OR2F1: variants seen among roughly 807,000 people sequenced by gnomAD.
OR2F1 encodes olfactory receptor 2F1.
For missense variants in OR2F1, 389 were observed against 378.2 expected, an observed-to-expected ratio of 1.03 and a Z score of -0.24; for synonymous variants, 146 against 155.3, an observed-to-expected ratio of 0.94 and a Z score of 0.44.
rs768419224 is a variant in OR2F1 at position 143,960,840 on chromosome 7, C to G, written c.870C>G (p.Tyr290Ter). ...ILTPMLNPMI[Y>*]SLRNKEVKGA... ...CACCAATGCTGAACCCCATGATTTA[C>G]AGCCTAAGGAATAAAGAGGTGAAGG... Residue 290 changes from tyrosine to a stop codon, truncating the protein, a stop_gained, in exon 3 of 3, where the codon TAC becomes TAG. Transcript: ENST00000641412. LOFTEE classifies it high-confidence loss of function. The G allele has an allele frequency of 1.1e-5, 17 of 1,614,050 alleles. No homozygotes were observed. Among genetic ancestry groups the G allele is most frequent in the African/African-American group, 1.3e-5 (1 of 74,918 alleles).
intron 1 of OR2F1, among the ~76,000 whole-genome samples, chr7:143,958,291 T>C (rs1352531628): frequency 6.6e-6 from 1 of 152,206 alleles, no homozygotes; most frequent in Non-Finnish European, 1.5e-5. Context: ...TTTTAGAATT[T>C]GAATTTGAAT....
Position 143,964,354 on chromosome 7 carries a change from A to G in OR2F1, c.*3430A>G, listed in dbSNP as rs1284454380. 1 of 152,182 alleles carries G rather than the reference A, an allele frequency of 6.6e-6. No homozygotes were observed. 9.4% of individuals were successfully genotyped at this position (152,182 alleles called of 1,614,324 possible). On this transcript the variant is annotated 3_prime_UTR_variant, in exon 3 of 3. Transcript: ENST00000641412. ...ACACCACTGAAGGTTTTCCTTAAAAATCTAATACATATAAAAATTACAGTT... is the reference window on the plus strand; with the variant it reads ...ACACCACTGAAGGTTTTCCTTAAAAGTCTAATACATATAAAAATTACAGTT...
chr7:143,959,676 A>C (rs1408665225), intron 2 of OR2F1, among the ~76,000 whole-genome samples: 1 of 152,198 alleles, frequency 6.6e-6, no homozygotes, highest in African/African-American at 2.4e-5. Flanking sequence ...AATCTGAAGT[A>C]AGTTGGTGAA....
chr7:143,962,455 A>G lies in OR2F1; in HGVS notation c.*1531A>G, dbSNP rs919373760. ...ACAAGGATAATCTCACATAGTAGGGAGGACAGATGATGAAACAATGATAAT... is the reference window on the plus strand; with the variant it reads ...ACAAGGATAATCTCACATAGTAGGGGGGACAGATGATGAAACAATGATAAT... On this transcript the variant is annotated 3_prime_UTR_variant, in exon 3 of 3. Transcript: ENST00000641412. The G allele has an allele frequency of 6.6e-5, 10 of 152,248 alleles. No homozygotes were observed. Among genetic ancestry groups the G allele is most frequent in the African/African-American group, 2.4e-4 (10 of 41,468 alleles). The allele number at this position is 152,248 out of a possible 1,614,324, so 9.4% of individuals were successfully genotyped here.
intron 2 of OR2F1, among the ~76,000 whole-genome samples, chr7:143,959,591 C>T (rs548174983): frequency 2.0e-5 from 3 of 152,168 alleles, no homozygotes; most frequent in Non-Finnish European, 4.4e-5. Context: ...AATTTGTTAA[C>T]TTTCCAACCA....
rs2050326742 is a variant in OR2F1 at position 143,961,060 on chromosome 7, G to C, written c.*136G>C. 5.9e-6 allele frequency: 4 copies of C among 676,300 alleles called. No individual in the cohort carries two copies. The highest frequency in any genetic ancestry group is 7.6e-6 in the Non-Finnish European group (3 of 393,058). 41.9% of individuals were successfully genotyped at this position (676,300 alleles called of 1,614,324 possible). A position where few individuals can be genotyped will look rare whatever the true frequency, so the allele number is the denominator to read the frequency against. On this transcript the variant is annotated 3_prime_UTR_variant, in exon 3 of 3. Coordinates refer to ENST00000641412, the MANE Select transcript of OR2F1 (RefSeq NM_012369.3). ...CATGTACTGTGGATGTTATGGAGGA[G>C]GGGGAGTGGTTCAATTGGATGGGGT... is the stretch of plus-strand genomic sequence containing the variant.
chr7:143,961,214 A>T lies in OR2F1; in HGVS notation c.*290A>T. The T allele has an allele frequency of 2.9e-6, 1 of 345,826 alleles. No homozygotes were observed. The highest frequency in any genetic ancestry group is 5.3e-6 in the Non-Finnish European group (1 of 187,594). The allele number at this position is 345,826 out of a possible 1,614,324, so 21.4% of individuals were successfully genotyped here. On this transcript the variant is annotated 3_prime_UTR_variant, in exon 3 of 3. Transcript: ENST00000641412. ...AAAAAAATTACTACTTACTGTTTTG[A>T]TTTGTCATATCGTTTGTAATGATAG...
Position 143,960,240 on chromosome 7 carries a change from A to G in OR2F1, c.270A>G (p.Lys90=). The G allele has an allele frequency of 6.2e-7, 1 of 1,614,196 alleles. No homozygotes were observed. Among genetic ancestry groups the G allele is most frequent in the Non-Finnish European group, 8.5e-7 (1 of 1,180,028 alleles). ...TGGCACATTTTCTTGCAGAACATAAAGCCATCCCATTCCAGAGCTGTGCAG... is the reference window on the plus strand; with the variant it reads ...TGGCACATTTTCTTGCAGAACATAAGGCCATCCCATTCCAGAGCTGTGCAG... ...QLLAHFLAEH[K]AIPFQSCAAQ... The change falls in exon 3 of 3, where the codon AAA becomes AAG. Residue 90 remains lysine, a synonymous_variant. Transcript: ENST00000641412.
At chr7:143,959,149 T>C (rs541818060) in intron 2 of OR2F1, 41 bp downstream of exon 2, 5 of 152,222 alleles carry the variant, frequency 3.3e-5, no homozygotes, top group Admixed American at 2.6e-4. Flanking sequence ...GTATCTGAAT[T>C]TGTGGAGAGG....
In OR2F1 at chr7:143,961,741, A is replaced by G. The variant is rs960699972; in HGVS notation, c.*817A>G. Reference sequence around the variant, plus strand: ...TCTCAGAATCTTCAGAAACACACAAAAAAGCACACAAATTATGAGATACTG... The same window carrying G: ...TCTCAGAATCTTCAGAAACACACAAGAAAGCACACAAATTATGAGATACTG... On this transcript the variant is annotated 3_prime_UTR_variant, in exon 3 of 3. Transcript: ENST00000641412. 6.6e-6 allele frequency: 1 copy of G among 152,226 alleles called. No homozygotes were observed. Among genetic ancestry groups the G allele is most frequent in the African/African-American group, 2.4e-5 (1 of 41,462 alleles). 9.4% of individuals were successfully genotyped at this position (152,226 alleles called of 1,614,324 possible). A position where few individuals can be genotyped will look rare whatever the true frequency, so the allele number is the denominator to read the frequency against.
intron 1 of OR2F1, among the ~76,000 whole-genome samples, chr7:143,956,437 T>G (rs1401495393): frequency 1.3e-5 from 2 of 152,258 alleles, no homozygotes; most frequent in African/African-American, 4.8e-5. Context: ...TTAATTATTT[T>G]GAAACCCACA....
intron 1 of OR2F1, among the ~76,000 whole-genome samples, chr7:143,956,514 CA>C (rs1196069389): frequency 5.9e-5 from 9 of 151,904 alleles, no homozygotes; most frequent in Admixed American, 1.3e-4. Context: ...TAAGTATTAG[CA>C]GCCTATTTTA....
rs1163151804 is a variant in OR2F1 at position 143,960,746 on chromosome 7, AC to A, written c.777del (p.Tyr259Ter). 1.2e-6 allele frequency: 2 copies of A among 1,614,018 alleles called. No homozygotes were observed. The highest frequency in any genetic ancestry group is 2.7e-5 in the African/African-American group (2 of 74,916). On this transcript the variant is annotated frameshift_variant, in exon 3 of 3. Transcript: ENST00000641412. LOFTEE classifies it low-confidence loss of function (END_TRUNC). Reference sequence around the variant, plus strand: ...TGCTATGGTGTGGCCATTTTCACTTACATCCAGCCCCACTCCAGTCCCTCTG... The same window carrying A: ...TGCTATGGTGTGGCCATTTTCACTTAATCCAGCCCCACTCCAGTCCCTCTG... ...ALCYGVAIFTYIQPHSSPSVL... is the reference protein window; with the variant it reads ...ALCYGVAIFTXIQPHSSPSVL...
rs1054539611 is a variant in OR2F1, at chr7:143,963,789, C to G, written c.*2865C>G. ...CAGGAGAAAGATAGAGGCCAGAAGA[C>G]TCAGGCAATCTAGTCCTTCCATGTT... On this transcript the variant is annotated 3_prime_UTR_variant, in exon 3 of 3. Transcript: ENST00000641412. 1 of 152,202 alleles carries G rather than the reference C, an allele frequency of 6.6e-6. No homozygotes were observed. Among genetic ancestry groups the G allele is most frequent in the Admixed American group, 6.5e-5 (1 of 15,288 alleles). 9.4% of individuals were successfully genotyped at this position (152,202 alleles called of 1,614,324 possible).
chr7:143,960,729 T>C lies in OR2F1; in HGVS notation c.759T>C (p.Gly253=), dbSNP rs1371521833. The part of the protein sequence containing the change: ...SHLTVVALCY[G]VAIFTYIQPH... ...TCACAGTGGTTGCCCTGTGCTATGGTGTGGCCATTTTCACTTACATCCAGC... is the reference window on the plus strand; with the variant it reads ...TCACAGTGGTTGCCCTGTGCTATGGCGTGGCCATTTTCACTTACATCCAGC... Residue 253 remains glycine (G), a synonymous_variant, in exon 3 of 3, where the codon GGT becomes GGC. Coordinates refer to ENST00000641412, the MANE Select transcript of OR2F1 (RefSeq NM_012369.3). 1 of 1,613,662 alleles carries C rather than the reference T, an allele frequency of 6.2e-7. No individual in the cohort carries two copies.
At chr7:143,958,486 T>A (rs2050300824) in intron 1 of OR2F1, among the ~76,000 whole-genome samples, 1 of 152,056 alleles carries the variant, frequency 6.6e-6, no homozygotes, top group African/African-American at 2.4e-5. Context: ...GGGATGAGTA[T>A]TTCTGGAACT....
At chr7:143,957,043 T>C (rs566932384) in intron 1 of OR2F1, among the ~76,000 whole-genome samples, 3 of 152,332 alleles carry the variant, frequency 2.0e-5, no homozygotes, top group Admixed American at 2.0e-4. Flanking sequence ...TTAGGAAACA[T>C]TCATTCAGCT....
rs1766184052 is a variant in OR2F1 at position 143,960,564 on chromosome 7, C to T, written c.594C>T (p.Thr198=). ...TGGACACCTCCTCCAATGAGGTCAC[C>T]ATCATGGTGTCTAGCATTGTTCTTC... ...ACVDTSSNEV[T]IMVSSIVLLM... is the part of the protein sequence containing the mutation. Residue 198 remains threonine (T), a synonymous_variant, in exon 3 of 3, where the codon ACC becomes ACT. Transcript: ENST00000641412. 1.2e-6 allele frequency: 2 copies of T among 1,614,198 alleles called. No individual in the cohort carries two copies. Among genetic ancestry groups the T allele is most frequent in the East Asian group, 2.2e-5 (1 of 44,882 alleles).
rs2050324560 is a variant in OR2F1, at chr7:143,960,883, T to C, written c.913T>C (p.Leu305=). ...KEVKGAWQKL[L]WKFSGLTSKL... is the part of the protein sequence containing the mutation. ...GGTGAAGGGGGCCTGGCAGAAACTA[T>C]TATGGAAATTCTCTGGGTTAACATC... is the stretch of plus-strand genomic sequence containing the variant. Residue 305 remains leucine, a synonymous_variant, in exon 3 of 3, where the codon TTA becomes CTA. Transcript: ENST00000641412. The C allele has an allele frequency of 6.2e-6, 10 of 1,612,858 alleles. No homozygotes were observed. The highest frequency in any genetic ancestry group is 1.3e-5 in the African/African-American group (1 of 74,940).
Sources: allele counts gnomAD v4.1 joint callset (sites outside exome capture counted in the v4.1 genomes callset), GRCh38; gene constraint gnomAD v4.1.1; transcripts MANE v1.5; gene names NCBI Gene and HGNC (gene_info 2026-07-23, HGNC 2026-07-21).